CDCA7L: variants seen among roughly 807,000 people sequenced by gnomAD.
The protein encoded by CDCA7L is cell division cycle associated 7 like, also known as cell division cycle-associated 7-like protein.
Under a neutral mutation model 57.4 loss-of-function variants are expected in CDCA7L, and 44 were observed. That is an observed-to-expected ratio of 0.77 (90% CI 0.60 to 0.98). The LOEUF is 0.98. Ranked by LOEUF, CDCA7L falls within the 50% of genes least tolerant of loss-of-function variation. The probability of loss-of-function intolerance (pLI) is 0.00; values close to 1 mark genes in which losing one functional copy is unlikely to be tolerated. For synonymous variants in CDCA7L, 236 were observed against 202.8 expected, an observed-to-expected ratio of 1.16 and a Z score of -1.39; for missense variants, 644 against 580.6, an observed-to-expected ratio of 1.11 and a Z score of -1.12.
At chr7:21,902,945 A>G (rs758934573) in intron 9 of CDCA7L, 33 bp downstream of exon 9, 8 of 1,602,080 alleles carry the variant, frequency 5.0e-6, no homozygotes, top group Non-Finnish European at 6.8e-6. Flanking sequence ...CAAGATTTCA[A>G]GCTGTTTTGT....
At chr7:21,910,683 G>T (rs1477106000) in intron 3 of CDCA7L, among the ~76,000 whole-genome samples, 3 of 152,184 alleles carry the variant, frequency 2.0e-5, no homozygotes, top group Non-Finnish European at 4.4e-5. Context: ...TTACCTTCAG[G>T]TTCAAACACG....
At position 21,906,286 on chromosome 7, in the gene CDCA7L, T is replaced by C; in HGVS notation, c.921+3A>G. 6.3e-7 allele frequency: 1 copy of C among 1,586,180 alleles called. No individual in the cohort carries two copies. The highest frequency in any genetic ancestry group is 8.6e-7 in the Non-Finnish European group (1 of 1,166,534). Reference sequence around the variant, plus strand: ...ACTAATTCATGTATTAGTCAGAAAATACCCCAATTGTCTTCCTTCTTCGGA... The same window carrying C: ...ACTAATTCATGTATTAGTCAGAAAACACCCCAATTGTCTTCCTTCTTCGGA... On this transcript the variant is annotated splice_donor_region_variant and intron_variant, in intron 6 of 9. Coordinates refer to ENST00000406877, the MANE Select transcript of CDCA7L (RefSeq NM_018719.5).
At chr7:21,932,140 G>A (rs533440880) in intron 1 of CDCA7L, among the ~76,000 whole-genome samples, 1 of 152,214 alleles carries the variant, frequency 6.6e-6, no homozygotes, top group South Asian at 2.1e-4. Context: ...CACTGCTCAA[G>A]GAAGTAAGAG....
Position 21,901,291 on chromosome 7 carries a change from C to T in CDCA7L, c.*1031G>A, listed in dbSNP as rs139903172. ...CATTCCTCTAGCCTCTGCTGGAGTG[C>T]AGTGAGGATTTTCTAGCATGTTGCT... On this transcript the variant is annotated 3_prime_UTR_variant, in exon 10 of 10. Transcript: ENST00000406877. 1.8e-5 allele frequency: 28 copies of T among 1,561,076 alleles called. No homozygotes were observed. In the African/African-American group the frequency reaches 1.9e-4, roughly 11 times the overall value.
chr7:21,931,438 T>C (rs1017475562), intron 1 of CDCA7L, among the ~76,000 whole-genome samples: 8 of 152,206 alleles, frequency 5.3e-5, no homozygotes, highest in East Asian at 1.9e-4. Context: ...CAGGATCAAG[T>C]TGGCTTCATC....
chr7:21,901,305 T>TTAGCCTCTGCTGG lies in CDCA7L; in HGVS notation c.*1016_*1017insCCAGCAGAGGCTA. 2.1e-5 allele frequency: 32 copies of TTAGCCTCTGCTGG among 1,549,288 alleles called. No homozygotes were observed. The highest frequency in any genetic ancestry group is 5.1e-5 in the South Asian group (4 of 78,898). ...CTGCTGGAGTGCAGTGAGGATTTTCTAGCATGTTGCTGCACTGTTCCCATG... is the reference window on the plus strand; with the variant it reads ...CTGCTGGAGTGCAGTGAGGATTTTCTTAGCCTCTGCTGGAGCATGTTGCTGCACTGTTCCCATG... On this transcript the variant is annotated 3_prime_UTR_variant, in exon 10 of 10. Transcript: ENST00000406877.
At chr7:21,928,976 A>G (rs1312199786) in intron 1 of CDCA7L, among the ~76,000 whole-genome samples, 1 of 152,192 alleles carries the variant, frequency 6.6e-6, no homozygotes, top group Admixed American at 6.5e-5. Flanking sequence ...ATACTCCTCG[A>G]GAAGAGCAAC....
intron 3 of CDCA7L, among the ~76,000 whole-genome samples, chr7:21,909,904 A>G (rs1044113164): frequency 2.0e-4 from 31 of 152,204 alleles, no homozygotes; most frequent in Non-Finnish European, 3.7e-4. Context: ...AGACCCCTGG[A>G]AACCAAGTTA....
intron 3 of CDCA7L, among the ~76,000 whole-genome samples, chr7:21,911,006 ATTTTTTTTTTTTTTTTTTTTTTT>A (rs557286550): frequency 7.1e-4 from 59 of 82,538 alleles, no homozygotes; most frequent in South Asian, 4.3e-3. Context: ...TCTTGAGATA[ATTTTTTTTTTTTTTTTTTTTTTT>A]TTTTTTTTTT....
intron 1 of CDCA7L, among the ~76,000 whole-genome samples, chr7:21,922,414 T>A (rs1785680207): frequency 6.6e-6 from 1 of 152,154 alleles, no homozygotes; most frequent in African/African-American, 2.4e-5. Context: ...AGGCCACTCC[T>A]CCACTCCAGC....
In CDCA7L at chr7:21,900,956, T is replaced by C. The variant is rs1414530887; in HGVS notation, c.*1366A>G. The C allele has an allele frequency of 1.3e-6, 2 of 1,512,564 alleles. No individual in the cohort carries two copies. Among genetic ancestry groups the C allele is most frequent in the Non-Finnish European group, 1.8e-6 (2 of 1,132,120 alleles). 93.7% of individuals were successfully genotyped at this position (1,512,564 alleles called of 1,614,324 possible). A position where few individuals can be genotyped will look rare whatever the true frequency, so the allele number is the denominator to read the frequency against. On this transcript the variant is annotated 3_prime_UTR_variant, in exon 10 of 10. Transcript: ENST00000406877. ...CATCAAACAACTTACTTGATCATTATCATTAGTAGCAAGCTGCCACACAAT... is the reference window on the plus strand; with the variant it reads ...CATCAAACAACTTACTTGATCATTACCATTAGTAGCAAGCTGCCACACAAT...
At chr7:21,919,359 G>C (rs57033293) in intron 1 of CDCA7L, among the ~76,000 whole-genome samples, 2 of 151,954 alleles carry the variant, frequency 1.3e-5, no homozygotes. Flanking sequence ...CTGTCTTTCT[G>C]ACATGGCACT....
At chr7:21,910,392 CACTATCAAACG>C (rs1785278410) in intron 3 of CDCA7L, among the ~76,000 whole-genome samples, 1 of 152,172 alleles carries the variant, frequency 6.6e-6, no homozygotes, top group Admixed American at 6.5e-5. Flanking sequence ...AGCAAAAAAT[CACTATCAAACG>C]AAGCAGCCTA....
chr7:21,910,283 G>C (rs142899930), intron 3 of CDCA7L, among the ~76,000 whole-genome samples: 48 of 152,300 alleles, frequency 3.2e-4, no homozygotes, highest in African/African-American at 1.1e-3. Flanking sequence ...GGGACTTGCT[G>C]GCCAGAACTG....
chr7:21,934,139 G>A (rs1786094597), intron 1 of CDCA7L, among the ~76,000 whole-genome samples: 1 of 152,058 alleles, frequency 6.6e-6, no homozygotes, highest in Admixed American at 6.6e-5. Context: ...GTAAATACAT[G>A]GACAAATATA....
intron 1 of CDCA7L, among the ~76,000 whole-genome samples, chr7:21,942,511 C>T (rs541280360): frequency 1.3e-5 from 2 of 152,252 alleles, no homozygotes; most frequent in Admixed American, 6.5e-5. Flanking sequence ...AAACTGTATA[C>T]TGGAGGTAAA....
intron 2 of CDCA7L, among the ~76,000 whole-genome samples, chr7:21,913,986 C>G (rs1785407140): frequency 1.3e-5 from 2 of 152,232 alleles, no homozygotes; most frequent in Admixed American, 1.3e-4. Context: ...GCTGATTGCT[C>G]TCTGGCACTG....
At chr7:21,925,156 A>C (rs1785783936) in intron 1 of CDCA7L, among the ~76,000 whole-genome samples, 1 of 152,192 alleles carries the variant, frequency 6.6e-6, no homozygotes, top group Non-Finnish European at 1.5e-5. Context: ...AAATTATTAA[A>C]ATTGCTAAAA....
At chr7:21,938,358 T>C (rs1338040506) in intron 1 of CDCA7L, among the ~76,000 whole-genome samples, 1 of 152,030 alleles carries the variant, frequency 6.6e-6, no homozygotes, top group African/African-American at 2.4e-5. Context: ...TACCACTTTA[T>C]GCACATTAGA....
Sources: allele counts gnomAD v4.1 joint callset (sites outside exome capture counted in the v4.1 genomes callset), GRCh38; gene constraint gnomAD v4.1.1; transcripts MANE v1.5; gene names NCBI Gene and HGNC (gene_info 2026-07-23, HGNC 2026-07-21).